Variants in ABCA3 observed in about 807,000 individuals in gnomAD.
The protein encoded by ABCA3 is ATP binding cassette subfamily A member 3.
A neutral mutation model predicts 172.8 loss-of-function variants in ABCA3; 88 were observed. The observed-to-expected ratio is 0.51, with a 90% CI of 0.43 to 0.61. ABCA3 has a LOEUF of 0.61. Among genes scored for constraint, ABCA3 ranks in the 20% least tolerant of loss-of-function variants. ABCA3 has a pLI of 0.00. For synonymous variants in ABCA3, 1,066 were observed against 983.8 expected, an observed-to-expected ratio of 1.08 and a Z score of -1.56; for missense variants, 2,164 against 2,301.0, an observed-to-expected ratio of 0.94 and a Z score of 1.22.
chr16:2,286,741 G>A lies in ABCA3; in HGVS notation c.3231C>T (p.Phe1077=), dbSNP rs143240655. 4.3e-4 allele frequency: 693 copies of A among 1,613,852 alleles called. No individual in the cohort carries two copies. Among genetic ancestry groups the A allele is most frequent in the Non-Finnish European group, 5.5e-4 (646 of 1,179,974 alleles). The change falls in exon 22 of 33, where the codon TTC becomes TTT. Residue 1077 remains phenylalanine (F), a synonymous_variant. Transcript: ENST00000301732. The surrounding 1 kb of genome is among the most constrained non-coding windows in gnomAD (Gnocchi z 5.2). ...GPHASIVVSN[F]PQPRSALQAA... is the part of the protein sequence containing the mutation. ...CCTGCAGGGCGCTCCGGGGCTGGGGGAAGTTGGAGACCACAATGGAGGCGT... is the reference window on the plus strand; with the variant it reads ...CCTGCAGGGCGCTCCGGGGCTGGGGAAAGTTGGAGACCACAATGGAGGCGT...
chr16:2,300,735 C>T (rs2093687552), intron 12 of ABCA3, among the ~76,000 whole-genome samples: 1 of 152,242 alleles, frequency 6.6e-6, no homozygotes, highest in African/African-American at 2.4e-5. Flanking sequence ...AGGCAGTCGA[C>T]ACAGTGGTGC....
rs2093645721 is a variant in ABCA3 at position 2,276,001 on chromosome 16, C to T, written c.*673G>A. On this transcript the variant is annotated 3_prime_UTR_variant, in exon 33 of 33. Transcript: ENST00000301732. ...TGGGGCGGGCGACTTCCTGAGGGTG[C>T]AGTGCTGGAAACAGAGACTGCTTCG... 2 of 244,668 alleles carry T rather than the reference C, an allele frequency of 8.2e-6. No individual in the cohort carries two copies. Among genetic ancestry groups the T allele is most frequent in the Non-Finnish European group, 1.6e-5 (2 of 121,880 alleles). The allele number at this position is 244,668 out of a possible 1,614,324, so 15.2% of individuals were successfully genotyped here.
intron 1 of ABCA3, among the ~76,000 whole-genome samples, chr16:2,331,144 C>T (rs544971744): frequency 1.3e-5 from 2 of 152,152 alleles, no homozygotes; most frequent in African/African-American, 2.4e-5. Context: ...ACTCCTAGAA[C>T]ATAACATCAG....
Position 2,288,248 on chromosome 16 carries a change from C to A in ABCA3, c.2782G>T (p.Ala928Ser), listed in dbSNP as rs1422450809. ...CAGGTCAGAGGCACCAGGACCTGTG[C>A]CGCCACCATTTTCCACTCGCGCCAG... ...YSWREWKMVA[A>S]QVLVPLTCVT... Residue 928 changes from alanine to serine, a missense_variant, in exon 21 of 33, where the codon GCA (alanine) becomes TCA (serine). Ala to Ser is a moderately conservative substitution (Grantham distance 99, BLOSUM62 1). This residue lies in a region of ABCA3 where 1,343 missense variants were observed against 1,369.6 expected (regional missense o/e 0.98). Transcript: ENST00000301732. 6.3e-7 allele frequency: 1 copy of A among 1,592,760 alleles called. No homozygotes were observed. Among genetic ancestry groups the A allele is most frequent in the Non-Finnish European group, 8.5e-7 (1 of 1,169,808 alleles).
intron 1 of ABCA3, among the ~76,000 whole-genome samples, chr16:2,335,773 A>T (rs546479114): frequency 1.3e-5 from 2 of 152,348 alleles, no homozygotes; most frequent in East Asian, 3.9e-4. Flanking sequence ...AATTAAAACA[A>T]ACAAACAAAC....
intron 8 of ABCA3, among the ~76,000 whole-genome samples, chr16:2,318,715 GCTGT>G (rs1234990282): frequency 2.0e-5 from 3 of 151,986 alleles, no homozygotes; most frequent in Non-Finnish European, 4.4e-5. Context: ...GTTTCACCTT[GCTGT>G]CCAGGCTGGT....
chr16:2,322,070 C>T (rs1283244650), intron 7 of ABCA3, among the ~76,000 whole-genome samples: 3 of 151,920 alleles, frequency 2.0e-5, no homozygotes, highest in Non-Finnish European at 2.9e-5. Context: ...TGGTGGTGTG[C>T]GCCTGTAATC....
chr16:2,295,129 A>G (rs1375253491), intron 18 of ABCA3, among the ~76,000 whole-genome samples: 2 of 152,234 alleles, frequency 1.3e-5, no homozygotes, highest in Non-Finnish European at 2.9e-5. Context: ...GTCATGGAAC[A>G]CTGGCTTCCC....
chr16:2,293,886 C>T (rs184509162), intron 18 of ABCA3, among the ~76,000 whole-genome samples: 6 of 151,858 alleles, frequency 4.0e-5, no homozygotes, highest in Admixed American at 2.0e-4. Context: ...CTCACTATGT[C>T]GCCCAAGCTG....
intron 1 of ABCA3, among the ~76,000 whole-genome samples, chr16:2,333,328 AG>A: frequency 6.6e-6 from 1 of 152,332 alleles, no homozygotes; most frequent in East Asian, 1.9e-4. Context: ...CATGGAAAGA[AG>A]GGGGCCTTGA....
chr16:2,280,958 C>A, intron 28 of ABCA3, 69 bp downstream of exon 28: 1 of 1,601,560 alleles, frequency 6.2e-7, no homozygotes, highest in South Asian at 1.1e-5. Flanking sequence ...TCCCTCTGTC[C>A]CTGCCTCCAG....
chr16:2,313,827 G>A (rs551115304), intron 10 of ABCA3, among the ~76,000 whole-genome samples: 5 of 151,656 alleles, frequency 3.3e-5, no homozygotes, highest in East Asian at 1.9e-4. Context: ...CCCAGAAGGC[G>A]GAGGTTGCAG....
intron 12 of ABCA3, among the ~76,000 whole-genome samples, chr16:2,301,657 C>T (rs1336409304): frequency 6.6e-6 from 1 of 151,254 alleles, no homozygotes; most frequent in Non-Finnish European, 1.5e-5. Flanking sequence ...GTGCAGTGAG[C>T]TGAGATCGCG....
chr16:2,298,358 C>T, intron 15 of ABCA3, 28 bp downstream of exon 15: 1 of 1,613,778 alleles, frequency 6.2e-7, no homozygotes, highest in East Asian at 2.2e-5. Context: ...GTGGAAACAC[C>T]CCTGCACACC....
intron 11 of ABCA3, 25 bp from the exon 12 acceptor site, chr16:2,304,175 CCCGAAAGCCAGCAG>C: frequency 6.2e-7 from 1 of 1,613,958 alleles, no homozygotes; most frequent in Non-Finnish European, 8.5e-7. Flanking sequence ...AGGAAAGTGG[CCCGAAAGCCAGCAG>C]GCTGGGGGGC....
At chr16:2,336,002 GC>G (rs1196066056) in intron 1 of ABCA3, among the ~76,000 whole-genome samples, 1 of 152,180 alleles carries the variant, frequency 6.6e-6, no homozygotes, top group Admixed American at 6.5e-5. Context: ...ACAAATGACT[GC>G]AGCAGTGTGT....
intron 7 of ABCA3, 124 bp from the exon 8 acceptor site, chr16:2,319,964 AC>A: frequency 1.5e-6 from 2 of 1,343,656 alleles, no homozygotes; most frequent in African/African-American, 1.4e-5. Flanking sequence ...TCAGCTCAGG[AC>A]CCCCGTGGCC....
At chr16:2,303,695 C>A (rs1169940483) in intron 12 of ABCA3, among the ~76,000 whole-genome samples, 2 of 152,180 alleles carry the variant, frequency 1.3e-5, no homozygotes, top group Non-Finnish European at 2.9e-5. Context: ...GTGGGTCTTG[C>A]AGAGAGGGGC....
chr16:2,316,321 A>G (rs2093715463), intron 10 of ABCA3, among the ~76,000 whole-genome samples: 1 of 145,732 alleles, frequency 6.9e-6, no homozygotes, highest in Non-Finnish European at 1.5e-5. Context: ...AAAAAAAAAA[A>G]AAGAAAAAAG....
Sources: allele counts gnomAD v4.1 joint callset (sites outside exome capture counted in the v4.1 genomes callset), GRCh38; gene constraint gnomAD v4.1.1; regional missense constraint gnomAD v4.1.1; non-coding constraint Gnocchi (gnomAD v3.1); transcripts MANE v1.5; gene names NCBI Gene and HGNC (gene_info 2026-07-23, HGNC 2026-07-21).